The following DLGAP2 variants were observed in gnomAD, a reference collection of about 807,000 sequenced individuals.
DLGAP2 encodes the protein disks large-associated protein 2.
A neutral mutation model predicts 100.3 loss-of-function variants in DLGAP2; 26 were observed. The observed-to-expected ratio is 0.26, with a 90% CI of 0.19 to 0.36. The LOEUF is 0.36. DLGAP2 is among the 10% of genes least tolerant of loss of function. DLGAP2 has a pLI of 1.00. For missense variants in DLGAP2, 1,858 were observed against 1,453.2 expected (o/e 1.28, Z -4.53); for synonymous variants, 886 against 630.1 (o/e 1.41, Z -6.08).
At chr8:1,505,786 C>T (rs572493467) in intron 4 of DLGAP2, among the ~76,000 whole-genome samples, 2 of 152,244 alleles carry the variant, frequency 1.3e-5, no homozygotes, top group African/African-American at 2.4e-5. Context: ...AACATTGGCT[C>T]ATTATGACGT....
Position 1,662,762 on chromosome 8 carries a change from T to A in DLGAP2, c.1811-5567T>A, listed in dbSNP as rs561105966. ...CGTGCTCCACAGAGTGCCTGGCACA[T>A]GTGTGAGTGTGGGGTGTGTGTGTAC... On this transcript the variant is annotated intron_variant, in intron 8 of 14. Transcript: ENST00000637795. Among the ~76,000 whole-genome samples, 7 of 152,338 alleles carry A rather than the reference T, an allele frequency of 4.6e-5. No homozygotes were observed. The South Asian group carries it at 1.5e-3, about 32-fold the overall frequency.
At chr8:1,460,909 A>C (rs1472553054) in intron 3 of DLGAP2, among the ~76,000 whole-genome samples, 1 of 152,198 alleles carries the variant, frequency 6.6e-6, no homozygotes, top group Non-Finnish European at 1.5e-5. Flanking sequence ...GGTAGGGATC[A>C]GAAAGGACTC....
chr8:1,117,390 G>A (rs1222665650), intron 2 of DLGAP2, among the ~76,000 whole-genome samples: 1 of 152,244 alleles, frequency 6.6e-6, no homozygotes, highest in East Asian at 1.9e-4. Context: ...GAAGCCAAAG[G>A]TTAGAAATGT....
chr8:1,185,707 ACT>A (rs375157668), intron 2 of DLGAP2, among the ~76,000 whole-genome samples: 18,003 of 127,430 alleles, frequency 0.14, 2,104 homozygotes, highest in African/African-American at 0.34. Flanking sequence ...ACACACTCAC[ACT>A]CACACACACA....
chr8:1,220,969 A>G (rs1382733245), intron 2 of DLGAP2, among the ~76,000 whole-genome samples: 1 of 152,086 alleles, frequency 6.6e-6, no homozygotes, highest in East Asian at 1.9e-4. Context: ...TTCTCCATAC[A>G]TTTACTTTGA....
Position 1,678,421 on chromosome 8 carries a change from C to T in DLGAP2, c.2496C>T (p.Asp832=). The change falls in exon 12 of 15, where the codon GAC becomes GAT. Residue 832 remains aspartate, a synonymous_variant. Coordinates refer to ENST00000637795, the MANE Select transcript of DLGAP2 (RefSeq NM_001346810.2). ...RTQGLFSYRE[D]YRTQVDTSTL... is the part of the protein sequence containing the mutation. The stretch of plus-strand genomic sequence containing the variant: ...AGGGGCTCTTCAGCTATAGAGAAGA[C>T]TATCGGACCCAAGTGGACACCTCCA... The T allele has an allele frequency of 6.2e-7, 1 of 1,613,688 alleles. No individual in the cohort carries two copies. Among genetic ancestry groups the T allele is most frequent in the Middle Eastern group, 1.7e-4 (1 of 6,060 alleles).
At chr8:1,640,164 T>C (rs1414560439) in intron 8 of DLGAP2, among the ~76,000 whole-genome samples, 2 of 152,224 alleles carry the variant, frequency 1.3e-5, no homozygotes, top group Non-Finnish European at 2.9e-5. Context: ...AACCCATTTC[T>C]CTTCTAGGAG....
chr8:1,558,168 G>A (rs1285173252), intron 5 of DLGAP2, among the ~76,000 whole-genome samples: 1 of 152,180 alleles, frequency 6.6e-6, no homozygotes, highest in Non-Finnish European at 1.5e-5. Context: ...CGCCTCTGTT[G>A]GTGGCCTCCT....
chr8:1,391,541 T>C (rs1796355933), intron 3 of DLGAP2, among the ~76,000 whole-genome samples: 1 of 152,184 alleles, frequency 6.6e-6, no homozygotes, highest in Non-Finnish European at 1.5e-5. Context: ...TTGGTGTTTT[T>C]ATCAGTTGGA....
chr8:1,135,502 G>GGTTTTT (rs1796387666), intron 2 of DLGAP2, among the ~76,000 whole-genome samples: 1 of 64,260 alleles, frequency 1.6e-5, no homozygotes, highest in Non-Finnish European at 3.3e-5. Context: ...TTTTTTTGTG[G>GGTTTTT]GTTTTTTTTT....
At chr8:780,402 G>A (rs1381365912) in intron 1 of DLGAP2, among the ~76,000 whole-genome samples, 1 of 152,204 alleles carries the variant, frequency 6.6e-6, no homozygotes, top group Non-Finnish European at 1.5e-5. Context: ...AGACACGTAG[G>A]TTGATTCCAT....
At chr8:859,665 C>A (rs547948594) in intron 1 of DLGAP2, among the ~76,000 whole-genome samples, 4 of 152,118 alleles carry the variant, frequency 2.6e-5, no homozygotes, top group Non-Finnish European at 4.4e-5. Flanking sequence ...TGGCTGCCTT[C>A]GGTGAGGAGC....
chr8:1,673,164 G>A (rs560495721), intron 10 of DLGAP2, among the ~76,000 whole-genome samples: 4 of 152,246 alleles, frequency 2.6e-5, no homozygotes, highest in South Asian at 4.1e-4. Flanking sequence ...GTGCAGTGGT[G>A]CAATCAATCA....
intron 2 of DLGAP2, among the ~76,000 whole-genome samples, chr8:1,064,667 C>T (rs895752081): frequency 1.3e-5 from 2 of 152,180 alleles, no homozygotes; most frequent in African/African-American, 4.8e-5. Flanking sequence ...CTAAAATATT[C>T]GCTGTCAACA....
At chr8:809,965 C>A (rs1401626060) in intron 1 of DLGAP2, among the ~76,000 whole-genome samples, 1 of 152,234 alleles carries the variant, frequency 6.6e-6, no homozygotes, top group South Asian at 2.1e-4. Context: ...AAAGCCTGGA[C>A]TGCGGTCAAG....
intron 6 of DLGAP2, among the ~76,000 whole-genome samples, chr8:1,590,315 G>A (rs1182702625): frequency 6.6e-6 from 1 of 152,182 alleles, no homozygotes; most frequent in African/African-American, 2.4e-5. Context: ...AGAAGCAATC[G>A]CGTCGCCAGG....
intron 2 of DLGAP2, among the ~76,000 whole-genome samples, chr8:1,101,645 C>T (rs1033419317): frequency 6.6e-5 from 10 of 151,668 alleles, no homozygotes; most frequent in South Asian, 4.2e-4. Flanking sequence ...CATGACACGA[C>T]GATGGGAAGG....
chr8:1,179,662 T>C (rs1177221177), intron 2 of DLGAP2, among the ~76,000 whole-genome samples: 1 of 152,256 alleles, frequency 6.6e-6, no homozygotes, highest in Admixed American at 6.5e-5. Flanking sequence ...GCAATCCTAA[T>C]TTGTGTTTTA....
Position 890,429 on chromosome 8 carries a change from G to C in DLGAP2, c.19-17483G>C, listed in dbSNP as rs966814298. The stretch of plus-strand genomic sequence containing the variant: ...TTTTCCCCATGGGAATATAGTTCGG[G>C]AATTGCCTCTCCAGCCTGATGGAAG... On this transcript the variant is annotated intron_variant, in intron 1 of 14. Transcript: ENST00000637795. 4.6e-5 allele frequency among the ~76,000 whole-genome samples: 7 copies of C among 152,038 alleles called. No individual in the cohort carries two copies. In the East Asian group the frequency reaches 1.4e-3, roughly 30 times the overall value.
Sources: gnomAD v4.1 joint callset for allele counts (sites outside exome capture counted in the v4.1 genomes callset) on GRCh38, gnomAD v4.1.1 for gene constraint, MANE v1.5 for transcripts, NCBI Gene and HGNC (gene_info 2026-07-23, HGNC 2026-07-21) for gene names.